The following DSCAM variants were observed in gnomAD, a reference collection of about 807,000 sequenced individuals.
DSCAM encodes cell adhesion molecule DSCAM.
Under a neutral mutation model 217.7 loss-of-function variants are expected in DSCAM, and 47 were observed. That is an observed-to-expected ratio of 0.22 (90% CI 0.17 to 0.28). The LOEUF (loss-of-function observed/expected upper bound fraction) is 0.28. Among genes scored for constraint, DSCAM ranks in the 10% least tolerant of loss-of-function variants. The probability of loss-of-function intolerance (pLI) is 1.00; values close to 1 mark genes in which losing one functional copy is unlikely to be tolerated. For missense variants in DSCAM, 2,080 were observed against 2,618.3 expected, an observed-to-expected ratio of 0.79 and a Z score of 4.49; for synonymous variants, 1,056 against 1,015.3, an observed-to-expected ratio of 1.04 and a Z score of -0.76.
intron 11 of DSCAM, among the ~76,000 whole-genome samples, chr21:40,210,441 T>A (rs1057118012): frequency 2.0e-5 from 3 of 152,236 alleles, no homozygotes; most frequent in Non-Finnish European, 4.4e-5. Flanking sequence ...CTTCTGGCCA[T>A]GTTGTGAATT....
intron 3 of DSCAM, among the ~76,000 whole-genome samples, chr21:40,409,007 ATATT>A (rs1334996792): frequency 2.6e-5 from 4 of 152,240 alleles, no homozygotes; most frequent in Non-Finnish European, 4.4e-5. Flanking sequence ...AAATCACTAA[ATATT>A]TATTTGGATA....
chr21:40,339,559 G>A (rs552964875), intron 6 of DSCAM, 144 bp from the exon 7 acceptor site: 50 of 802,390 alleles, frequency 6.2e-5, no homozygotes, highest in Middle Eastern at 2.6e-4. Context: ...AAAGCAAAAC[G>A]TTAATCAGAA....
At chr21:40,290,240 A>G (rs2073874697) in intron 10 of DSCAM, among the ~76,000 whole-genome samples, 1 of 152,216 alleles carries the variant, frequency 6.6e-6, no homozygotes, top group South Asian at 2.1e-4. Flanking sequence ...ATTTTTTAAA[A>G]TAACCTGAAT....
chr21:40,708,480 C>G lies in DSCAM; in HGVS notation c.335G>C (p.Arg112Thr). 1 of 1,510,066 alleles carries G rather than the reference C, an allele frequency of 6.6e-7. No individual in the cohort carries two copies. Among genetic ancestry groups the G allele is most frequent in the Non-Finnish European group, 8.9e-7 (1 of 1,124,942 alleles). 93.5% of individuals were successfully genotyped at this position (1,510,066 alleles called of 1,614,324 possible). The change falls in exon 2 of 33, where the codon AGA (arginine) becomes ACA (threonine). Residue 112 changes from arginine to threonine, a missense_variant. By Grantham distance (71) the Arg-to-Thr change is moderately conservative. This residue lies in a region of DSCAM where 568 missense variants were observed against 678.1 expected (regional missense o/e 0.84). Transcript: ENST00000400454. Reference protein sequence around the residue: ...CTAENPSGKIRSQDVHIKAVL... With the variant: ...CTAENPSGKITSQDVHIKAVL... ...AGCCTTGATGTGGACATCCTGACTT[C>G]TAATTTTCCCTGAAGGATTTTCAGC...
intron 9 of DSCAM, among the ~76,000 whole-genome samples, chr21:40,300,262 T>C (rs886642607): frequency 1.2e-4 from 19 of 152,352 alleles, no homozygotes; most frequent in African/African-American, 4.6e-4. Flanking sequence ...AAATGGTACC[T>C]GTTCCTGTTC....
At chr21:40,425,469 G>A (rs141526795) in intron 3 of DSCAM, among the ~76,000 whole-genome samples, 88 of 151,842 alleles carry the variant, frequency 5.8e-4, no homozygotes, top group East Asian at 5.6e-3. Context: ...AAACCTGCAC[G>A]TTGTGTACAT....
chr21:40,278,654 G>A (rs1408607120), intron 10 of DSCAM, among the ~76,000 whole-genome samples: 1 of 152,054 alleles, frequency 6.6e-6, no homozygotes, highest in Non-Finnish European at 1.5e-5. Flanking sequence ...AGGTGGGTTT[G>A]AGGTTACAGT....
intron 11 of DSCAM, among the ~76,000 whole-genome samples, chr21:40,192,044 C>T (rs944443952): frequency 3.9e-5 from 6 of 152,094 alleles, no homozygotes; most frequent in African/African-American, 1.4e-4. Flanking sequence ...CAACCCATTA[C>T]AAATATATTT....
intron 5 of DSCAM, among the ~76,000 whole-genome samples, chr21:40,351,434 G>T (rs117975536): frequency 6.6e-6 from 1 of 152,200 alleles, no homozygotes; most frequent in African/African-American, 2.4e-5. Context: ...AAAGAAAGCT[G>T]GTTGACACAC....
chr21:40,619,920 G>A (rs1372758331), intron 3 of DSCAM, among the ~76,000 whole-genome samples: 1 of 147,210 alleles, frequency 6.8e-6, no homozygotes, highest in East Asian at 2.0e-4. Flanking sequence ...ATGAAATCTA[G>A]TAGAATGGCA....
chr21:40,552,732 A>G (rs1409036297), intron 3 of DSCAM, among the ~76,000 whole-genome samples: 2 of 152,234 alleles, frequency 1.3e-5, no homozygotes, highest in Non-Finnish European at 2.9e-5. Flanking sequence ...ATCTAGATGA[A>G]TTAGCATATA....
At chr21:40,318,621 A>G (rs917236596) in intron 8 of DSCAM, among the ~76,000 whole-genome samples, 13 of 152,216 alleles carry the variant, frequency 8.5e-5, no homozygotes, top group African/African-American at 3.1e-4. Context: ...AACCAGCAGC[A>G]GCCAGAGATG....
At chr21:40,466,817 T>G (rs2837640) in intron 3 of DSCAM, among the ~76,000 whole-genome samples, 105,697 of 152,080 alleles carry the variant, frequency 0.7, 37,591 homozygotes, top group African/African-American at 0.85. Context: ...AAGGTTCCAA[T>G]GATACTGTGG....
chr21:40,649,548 C>T (rs182440396), intron 3 of DSCAM, among the ~76,000 whole-genome samples: 85 of 152,304 alleles, frequency 5.6e-4, no homozygotes, highest in Non-Finnish European at 9.3e-4. Context: ...ATTCTGGATA[C>T]GCCTCTTTAT....
intron 3 of DSCAM, among the ~76,000 whole-genome samples, chr21:40,550,485 A>G (rs555471639): frequency 1.3e-5 from 2 of 152,304 alleles, no homozygotes; most frequent in East Asian, 1.9e-4. Context: ...AGATCACGCC[A>G]TTGCACTCCA....
intron 3 of DSCAM, among the ~76,000 whole-genome samples, chr21:40,397,532 G>A (rs2075190837): frequency 6.6e-6 from 1 of 152,112 alleles, no homozygotes; most frequent in African/African-American, 2.4e-5. Flanking sequence ...CTACAGAACT[G>A]TGAGCCAATT....
intron 1 of DSCAM, among the ~76,000 whole-genome samples, chr21:40,824,997 T>C (rs1444308928): frequency 6.6e-6 from 1 of 152,254 alleles, no homozygotes; most frequent in African/African-American, 2.4e-5. Flanking sequence ...GTGGTCATTA[T>C]TGGGTACACC....
intron 22 of DSCAM, among the ~76,000 whole-genome samples, chr21:40,086,896 A>G (rs1343880870): frequency 3.9e-5 from 6 of 152,168 alleles, no homozygotes; most frequent in African/African-American, 1.4e-4. Flanking sequence ...AAACTTCCAC[A>G]ATAATTGAGT....
chr21:40,816,403 AC>A (rs1329306280), intron 1 of DSCAM, among the ~76,000 whole-genome samples: 1 of 152,064 alleles, frequency 6.6e-6, no homozygotes, highest in Non-Finnish European at 1.5e-5. Context: ...ATATGGTGAC[AC>A]CCCATCTCTA....
Sources: gnomAD v4.1 joint callset for allele counts (sites outside exome capture counted in the v4.1 genomes callset) on GRCh38, gnomAD v4.1.1 for gene constraint, gnomAD v4.1.1 regional missense constraint, MANE v1.5 for transcripts, NCBI Gene and HGNC (gene_info 2026-07-23, HGNC 2026-07-21) for gene names.